PDS5B: variants seen among roughly 807,000 people sequenced by gnomAD.
The protein encoded by PDS5B is PDS5 cohesin associated factor B.
Under a neutral mutation model 184.1 loss-of-function variants are expected in PDS5B, and 51 were observed. The observed-to-expected ratio is 0.28, with a 90% confidence interval of 0.22 to 0.35. The LOEUF (loss-of-function observed/expected upper bound fraction) is 0.35, where lower values mean the gene tolerates loss of function less well. PDS5B is among the 10% of genes least tolerant of loss of function. The pLI, the probability that PDS5B is intolerant of heterozygous loss-of-function variation, is 1.00. For synonymous variants in PDS5B, 566 were observed against 569.2 expected (o/e 0.99, Z 0.08); for missense variants, 1,180 against 1,723.3 (o/e 0.68, Z 5.58).
intron 6 of PDS5B, among the ~76,000 whole-genome samples, chr13:32,660,811 T>C (rs1167291306): frequency 2.6e-5 from 4 of 152,050 alleles, no homozygotes; most frequent in Non-Finnish European, 5.9e-5. Flanking sequence ...TTCCTGTCTC[T>C]AAGTACAGGA....
chr13:32,754,184 A>C (rs1051490025), intron 25 of PDS5B, among the ~76,000 whole-genome samples: 1 of 152,022 alleles, frequency 6.6e-6, no homozygotes, highest in Non-Finnish European at 1.5e-5. Context: ...CCCTGTTGTA[A>C]TTGTTCCTGT....
At chr13:32,749,816 A>G (rs932319931) in intron 24 of PDS5B, among the ~76,000 whole-genome samples, 15 of 151,758 alleles carry the variant, frequency 9.9e-5, no homozygotes, top group Admixed American at 9.2e-4. Flanking sequence ...AAAAGCTTTG[A>G]TTGGAACTTT....
chr13:32,603,398 A>G (rs568347721), intron 1 of PDS5B, among the ~76,000 whole-genome samples: 2 of 152,108 alleles, frequency 1.3e-5, no homozygotes, highest in Non-Finnish European at 1.5e-5. Context: ...CAAAGATCAG[A>G]TGGTTGTAGA....
At chr13:32,709,671 A>C (rs148348307) in intron 18 of PDS5B, among the ~76,000 whole-genome samples, 1 of 152,212 alleles carries the variant, frequency 6.6e-6, no homozygotes, top group African/African-American at 2.4e-5. Context: ...CTGAACAATA[A>C]TCAAAATCTA....
chr13:32,742,535 C>G, intron 22 of PDS5B, 56 bp from the exon 23 acceptor site: 8 of 1,440,130 alleles, frequency 5.6e-6, no homozygotes, highest in Non-Finnish European at 7.6e-6. Flanking sequence ...AAAGTTGATA[C>G]AGAAATTCTT....
intron 7 of PDS5B, among the ~76,000 whole-genome samples, chr13:32,670,838 C>T (rs7317147): frequency 0.38 from 58,310 of 151,956 alleles, 11,644 homozygotes; most frequent in Non-Finnish European, 0.44. Context: ...TTTGCACCTG[C>T]AATGCTTGGG....
intron 1 of PDS5B, among the ~76,000 whole-genome samples, chr13:32,622,012 A>C (rs1279021020): frequency 1.3e-5 from 2 of 151,212 alleles, no homozygotes; most frequent in Non-Finnish European, 3.0e-5. Flanking sequence ...CCCTAATGTT[A>C]ATCTCTTTTT....
chr13:32,630,215 T>C (rs1452929297), intron 1 of PDS5B, among the ~76,000 whole-genome samples: 1 of 152,240 alleles, frequency 6.6e-6, no homozygotes, highest in Non-Finnish European at 1.5e-5. Context: ...TATACTCTTT[T>C]AGATGACTAT....
At chr13:32,695,884 TG>T (rs1319619711) in intron 14 of PDS5B, among the ~76,000 whole-genome samples, 1 of 152,056 alleles carries the variant, frequency 6.6e-6, no homozygotes, top group East Asian at 1.9e-4. Flanking sequence ...ATTTTCTTTT[TG>T]CTTGTCTTAA....
chr13:32,657,812 T>C (rs992293796), intron 3 of PDS5B, among the ~76,000 whole-genome samples: 29 of 152,332 alleles, frequency 1.9e-4, no homozygotes, highest in Admixed American at 7.2e-4. Context: ...TATTGTATTG[T>C]CATTTGGCAA....
intron 1 of PDS5B, among the ~76,000 whole-genome samples, chr13:32,590,953 A>C (rs1012437576): frequency 1.5e-4 from 23 of 151,260 alleles, no homozygotes; most frequent in Admixed American, 3.9e-4. Context: ...AAAGTTATAC[A>C]GGTATATGGT....
At chr13:32,707,751 G>A (rs1183013742) in intron 18 of PDS5B, among the ~76,000 whole-genome samples, 1 of 148,584 alleles carries the variant, frequency 6.7e-6, no homozygotes, top group African/African-American at 2.5e-5. Flanking sequence ...GTTAAAGCTT[G>A]TACATGAATT....
intron 19 of PDS5B, among the ~76,000 whole-genome samples, chr13:32,724,474 C>G (rs1422098545): frequency 2.6e-5 from 4 of 152,194 alleles, no homozygotes; most frequent in Non-Finnish European, 5.9e-5. Context: ...CTCTAGCTCT[C>G]ACTCTGCTTG....
At chr13:32,747,586 CA>C (rs5802658) in intron 24 of PDS5B, among the ~76,000 whole-genome samples, 1,956 of 106,558 alleles carry the variant, frequency 0.018, 24 homozygotes, top group African/African-American at 0.066. Flanking sequence ...GACTCCATCT[CA>C]AAAAAAAAAA....
rs1012452699 is a variant in PDS5B at position 32,683,952 on chromosome 13, G to A, written c.1132G>A (p.Ala378Thr). 8.8e-6 allele frequency: 14 copies of A among 1,593,534 alleles called. No individual in the cohort carries two copies. Among genetic ancestry groups the A allele is most frequent in the Non-Finnish European group, 1.2e-5 (14 of 1,162,834 alleles). The change falls in exon 11 of 35, where the codon GCT becomes ACT. Residue 378 changes from alanine (A) to threonine (T), a missense_variant. Physicochemically the swap from Ala to Thr is moderately conservative, Grantham distance 58. Transcript: ENST00000315596. Reference sequence around the variant, plus strand: ...TGTTATTGTGTCAATAGTTACAGCTGCTAAAAAGGATATTCTTCTGGTCAA... The same window carrying A: ...TGTTATTGTGTCAATAGTTACAGCTACTAAAAAGGATATTCTTCTGGTCAA... ...HDVIVSIVTAAKKDILLVNDH... is the reference protein window; with the variant it reads ...HDVIVSIVTATKKDILLVNDH...
intron 1 of PDS5B, among the ~76,000 whole-genome samples, chr13:32,614,239 G>A: frequency 6.6e-6 from 1 of 151,766 alleles, no homozygotes; most frequent in East Asian, 1.9e-4. Flanking sequence ...TGAATTTTAG[G>A]ATGAGCTTAT....
At chr13:32,606,535 A>G (rs1419138698) in intron 1 of PDS5B, among the ~76,000 whole-genome samples, 1 of 152,012 alleles carries the variant, frequency 6.6e-6, no homozygotes, top group Non-Finnish European at 1.5e-5. Flanking sequence ...GAATCTGACA[A>G]TTGTGTGTGT....
chr13:32,769,690 T>C (rs1200122456), intron 31 of PDS5B, among the ~76,000 whole-genome samples: 1 of 152,254 alleles, frequency 6.6e-6, no homozygotes, highest in Non-Finnish European at 1.5e-5. Flanking sequence ...GTTGTAAGCA[T>C]GTCATATAGT....
Position 32,758,109 on chromosome 13 carries a change from A to G in PDS5B, c.3079A>G (p.Ile1027Val). Residue 1027 changes from isoleucine (I) to valine (V), a missense_variant, in exon 27 of 35, where the codon ATA (isoleucine) becomes GTA (valine). By Grantham distance (29) the Ile-to-Val change is conservative (BLOSUM62 3). Coordinates refer to ENST00000315596, the MANE Select transcript of PDS5B (RefSeq NM_015032.4). Reference sequence around the variant, plus strand: ...TAGATGTCTTTGGTTTGTTCTGGAAATATTAATGGCTAAAAATGAAAATAA... The same window carrying G: ...TAGATGTCTTTGGTTTGTTCTGGAAGTATTAATGGCTAAAAATGAAAATAA... The part of the protein sequence containing the change: ...VKECLWFVLE[I>V]LMAKNENNSH... The G allele has an allele frequency of 2.0e-6, 3 of 1,498,690 alleles. No individual in the cohort carries two copies. The highest frequency in any genetic ancestry group is 2.7e-6 in the Non-Finnish European group (3 of 1,108,188). 92.8% of individuals were successfully genotyped at this position (1,498,690 alleles called of 1,614,324 possible). A position where few individuals can be genotyped will look rare whatever the true frequency, so the allele number is the denominator to read the frequency against.
Sources: gnomAD v4.1 joint callset for allele counts (sites outside exome capture counted in the v4.1 genomes callset) on GRCh38, gnomAD v4.1.1 for gene constraint, MANE v1.5 for transcripts, NCBI Gene and HGNC (gene_info 2026-07-23, HGNC 2026-07-21) for gene names.